Variants in CNTNAP3B observed in about 807,000 individuals in gnomAD.
CNTNAP3B encodes the protein contactin-associated protein-like 3B.
In CNTNAP3B, 25 loss-of-function variants were observed where a neutral mutation model predicts 108.9. The observed-to-expected ratio is 0.23, with a 90% CI of 0.17 to 0.32. The LOEUF is 0.32. Among genes scored for constraint, CNTNAP3B ranks in the 10% least tolerant of loss-of-function variants. CNTNAP3B has a pLI of 1.00. For synonymous variants in CNTNAP3B, 103 were observed against 473.4 expected, an observed-to-expected ratio of 0.22 and a Z score of 10.16; for missense variants, 252 against 1,210.4, an observed-to-expected ratio of 0.21 and a Z score of 11.75.
At chr9:42,037,283 G>A (rs1260408778) in intron 3 of CNTNAP3B, among the ~76,000 whole-genome samples, 9 of 62,486 alleles carry the variant, frequency 1.4e-4, no homozygotes, top group East Asian at 1.1e-3. Flanking sequence ...AAAAAAAAAA[G>A]AAAAAAGAAA....
At position 41,965,744 on chromosome 9, in the gene CNTNAP3B, G is replaced by A. The variant is rs868472872; in HGVS notation, c.1650-1100C>T. Among the ~76,000 whole-genome samples, 5 of 152,274 alleles carry A rather than the reference G, an allele frequency of 3.3e-5. No individual in the cohort carries two copies. In the South Asian group the frequency reaches 6.2e-4, roughly 19 times the overall value. Reference sequence around the variant, plus strand: ...GTAACAGAAGAGGGGCTGGGAGGTTGTGACAGGCCTCCTGGCTGTGGTGGA... The same window carrying A: ...GTAACAGAAGAGGGGCTGGGAGGTTATGACAGGCCTCCTGGCTGTGGTGGA... On this transcript the variant is annotated intron_variant, in intron 10 of 23. Transcript: ENST00000377561.
At chr9:42,094,372 G>A (rs1587267054) in intron 2 of CNTNAP3B, among the ~76,000 whole-genome samples, 1 of 132,596 alleles carries the variant, frequency 7.5e-6, no homozygotes, top group East Asian at 2.4e-4. Context: ...AAGAGGGCGG[G>A]GGCTGGGTAT....
intron 14 of CNTNAP3B, among the ~76,000 whole-genome samples, chr9:41,930,814 C>T (rs1412068105): frequency 4.0e-5 from 6 of 150,764 alleles, no homozygotes; most frequent in Admixed American, 1.3e-4. Flanking sequence ...TGTCTCTGGC[C>T]AAAATAAAGG....
In CNTNAP3B at chr9:42,015,625, G is replaced by T. The variant is rs1457332783; in HGVS notation, c.391-2100C>A. Among the ~76,000 whole-genome samples, 2 of 44,972 alleles carry T rather than the reference G, an allele frequency of 4.4e-5. 1 individual carries two copies. The highest frequency in any genetic ancestry group is 3.6e-3 in the East Asian group (2 of 550). 29.5% of individuals were successfully genotyped at this position (44,972 alleles called of 152,430 possible). On this transcript the variant is annotated intron_variant, in intron 3 of 23. Coordinates refer to ENST00000377561, the MANE Select transcript of CNTNAP3B (RefSeq NM_001201380.3). ...AATCAATCAGCCCACCACCTGCGTGGAGGTGGCTGCTGTGACTGTGACCCA... is the reference window on the plus strand; with the variant it reads ...AATCAATCAGCCCACCACCTGCGTGTAGGTGGCTGCTGTGACTGTGACCCA...
chr9:42,070,657 C>G (rs1205537625), intron 3 of CNTNAP3B, among the ~76,000 whole-genome samples: 14 of 152,024 alleles, frequency 9.2e-5, no homozygotes, highest in Non-Finnish European at 1.3e-4. Context: ...TGTCTGCCAT[C>G]CTTTCCTGCT....
intron 14 of CNTNAP3B, among the ~76,000 whole-genome samples, chr9:41,936,174 G>A (rs1261838273): frequency 6.6e-6 from 1 of 152,306 alleles, no homozygotes; most frequent in African/African-American, 2.4e-5. Flanking sequence ...TTACTCGGGA[G>A]GCTGAGGCAG....
chr9:41,954,400 G>A lies in CNTNAP3B; in HGVS notation c.1877-1014C>T, dbSNP rs1470603100. Among the ~76,000 whole-genome samples the A allele has an allele frequency of 8.5e-5, 13 of 152,306 alleles. No individual in the cohort carries two copies. The South Asian group carries it at 1.2e-3, about 15-fold the overall frequency. The stretch of plus-strand genomic sequence containing the variant: ...CACAGCCTTACTGTTACTTACACAC[G>A]CCTAACAACAGAGATCAGAGGAAAG... On this transcript the variant is annotated intron_variant, in intron 12 of 23. Transcript: ENST00000377561.
rs1476659719 is a variant in CNTNAP3B at position 42,066,788 on chromosome 9, G to T, written c.390+10081C>A. On this transcript the variant is annotated intron_variant, in intron 3 of 23. Coordinates refer to ENST00000377561, the MANE Select transcript of CNTNAP3B (RefSeq NM_001201380.3). The stretch of plus-strand genomic sequence containing the variant: ...TTTTTACTTGGTTCCTATTTTTTAT[G>T]CCTCTTGTTTAGTCTCTTCTCTAAT... 2.2e-5 allele frequency among the ~76,000 whole-genome samples: 3 copies of T among 137,608 alleles called. No individual in the cohort carries two copies. The East Asian group carries it at 6.7e-4, about 31-fold the overall frequency. 90.3% of individuals were successfully genotyped at this position (137,608 alleles called of 152,430 possible).
chr9:41,945,663 G>A (rs1449251896), intron 13 of CNTNAP3B, among the ~76,000 whole-genome samples: 142 of 152,284 alleles, frequency 9.3e-4, no homozygotes, highest in Non-Finnish European at 1.7e-3. Flanking sequence ...TATAGCTAAT[G>A]TAAATGATGA....
At chr9:41,932,517 C>CTTTTT (rs1178493391) in intron 14 of CNTNAP3B, among the ~76,000 whole-genome samples, 3 of 124,864 alleles carry the variant, frequency 2.4e-5, no homozygotes, top group African/African-American at 3.0e-5. Context: ...ACTTTTTTTT[C>CTTTTT]TTCTTTTTTT....
At chr9:42,082,982 G>C (rs1827632233) in intron 2 of CNTNAP3B, among the ~76,000 whole-genome samples, 1 of 139,296 alleles carries the variant, frequency 7.2e-6, no homozygotes, top group Non-Finnish European at 1.5e-5. Context: ...AATAGCCTAA[G>C]TGTAAACACA....
chr9:41,973,845 T>TTC (rs1167766380), intron 9 of CNTNAP3B, among the ~76,000 whole-genome samples: 1 of 130,448 alleles, frequency 7.7e-6, no homozygotes, highest in Non-Finnish European at 1.6e-5. Flanking sequence ...TTCTCTTTCT[T>TTC]TCTCTCTCTC....
Position 42,012,155 on chromosome 9 carries a change from T to C in CNTNAP3B, c.538+1223A>G, listed in dbSNP as rs1266335065. 4.0e-5 allele frequency among the ~76,000 whole-genome samples: 4 copies of C among 100,700 alleles called. 1 individual carries two copies. Among genetic ancestry groups the C allele is most frequent in the Non-Finnish European group, 8.5e-5 (4 of 47,064 alleles). The allele number at this position is 100,700 out of a possible 152,430, so 66.1% of individuals were successfully genotyped here. ...CGCCATCAAAGAGCATGTTCCACTT[T>C]GGAGTCAGTAAACCTGAAGTTGTTT... On this transcript the variant is annotated intron_variant, in intron 4 of 23. Transcript: ENST00000377561.
intron 1 of CNTNAP3B, among the ~76,000 whole-genome samples, chr9:42,113,583 G>A (rs1162532951): frequency 1.4e-5 from 2 of 139,410 alleles, no homozygotes; most frequent in Admixed American, 7.1e-5. Context: ...AAATCATGTG[G>A]CGATGTCATC....
intron 2 of CNTNAP3B, among the ~76,000 whole-genome samples, chr9:42,086,042 G>A (rs2118647572): frequency 7.2e-6 from 1 of 139,736 alleles, no homozygotes; most frequent in South Asian, 2.3e-4. Context: ...CTGAGACTGG[G>A]TAATTCATAA....
chr9:41,979,943 C>T (rs576324978), intron 9 of CNTNAP3B: 13 of 93,100 alleles, frequency 1.4e-4, no homozygotes, highest in African/African-American at 5.4e-4. Context: ...TTTGAGGAAA[C>T]CTTTTTTTTT....
In CNTNAP3B at chr9:42,088,992, G is replaced by A. The variant is rs1284114773; in HGVS notation, c.197-11930C>T. Among the ~76,000 whole-genome samples, 24 of 127,280 alleles carry A rather than the reference G, an allele frequency of 1.9e-4. 2 individuals are homozygous for A. The highest frequency in any genetic ancestry group is 3.1e-4 in the Non-Finnish European group (19 of 61,144). The allele number at this position is 127,280 out of a possible 152,430, so 83.5% of individuals were successfully genotyped here. ...AGCACTTTGGAAGGCCAAGGTGGGC[G>A]AATCCCCTGAGGCCAGGAGTTGGAG... On this transcript the variant is annotated intron_variant, in intron 2 of 23. Transcript: ENST00000377561.
At chr9:41,957,355 G>T (rs1426584975) in intron 12 of CNTNAP3B, among the ~76,000 whole-genome samples, 1 of 33,176 alleles carries the variant, frequency 3.0e-5, no homozygotes, top group African/African-American at 1.5e-4. Context: ...CTCTTTACAC[G>T]TATGTTACAC....
intron 15 of CNTNAP3B, among the ~76,000 whole-genome samples, chr9:41,926,013 ATC>A (rs371984503): frequency 1.5e-4 from 22 of 151,518 alleles, no homozygotes; most frequent in African/African-American, 3.1e-4. Context: ...GTGTATTTGT[ATC>A]TCTCTCTCTC....
Sources: allele counts gnomAD v4.1 joint callset (sites outside exome capture counted in the v4.1 genomes callset), GRCh38; gene constraint gnomAD v4.1.1; transcripts MANE v1.5; gene names NCBI Gene and HGNC (gene_info 2026-07-23, HGNC 2026-07-21).